Variants in NELL1 observed in about 807,000 individuals in gnomAD.
NELL1 encodes protein kinase C-binding protein NELL1.
A neutral mutation model predicts 107.4 loss-of-function variants in NELL1; 76 were observed. The ratio of observed to expected loss-of-function variants is 0.71; its 90% confidence interval spans 0.59 to 0.86. The LOEUF (loss-of-function observed/expected upper bound fraction) is 0.86, where lower values mean the gene tolerates loss of function less well. Among genes scored for constraint, NELL1 ranks in the 40% least tolerant of loss-of-function variants. The probability of loss-of-function intolerance (pLI) is 0.00; values close to 1 mark genes in which losing one functional copy is unlikely to be tolerated. For synonymous variants in NELL1, 353 were observed against 341.2 expected (o/e 1.03, Z -0.38); for missense variants, 1,024 against 1,005.5 (o/e 1.02, Z -0.25).
At chr11:21,486,502 A>G (rs189222860) in intron 15 of NELL1, among the ~76,000 whole-genome samples, 108 of 152,324 alleles carry the variant, frequency 7.1e-4, no homozygotes, top group African/African-American at 2.5e-3. Context: ...AGCAAGTTCA[A>G]AAAAATAGAA....
chr11:21,330,017 G>C lies in NELL1; in HGVS notation c.1550-40836G>C, dbSNP rs1461819519. Among the ~76,000 whole-genome samples the C allele has an allele frequency of 2.0e-5, 3 of 151,776 alleles. No individual in the cohort carries two copies. In the East Asian group the frequency reaches 5.8e-4, roughly 29 times the overall value. The stretch of plus-strand genomic sequence containing the variant: ...AATAAATTATATGTTTGTAAATTTT[G>C]TCATAGTAAACTTCTTATTTACCAT... On this transcript the variant is annotated intron_variant, in intron 14 of 19. Coordinates refer to ENST00000357134, the MANE Select transcript of NELL1 (RefSeq NM_006157.5).
intron 14 of NELL1, among the ~76,000 whole-genome samples, chr11:21,337,795 TCCTTCTTTCTTTCTTG>T (rs1590849611): frequency 7.5e-5 from 10 of 132,842 alleles, no homozygotes; most frequent in African/African-American, 1.5e-4. Flanking sequence ...TTTCTTTCTT[TCCTTCTTTCTTTCTTG>T]CTTTCCTTCT....
At chr11:20,975,927 A>ATG (rs1554953017) in intron 12 of NELL1, among the ~76,000 whole-genome samples, 3 of 134,808 alleles carry the variant, frequency 2.2e-5, no homozygotes, top group African/African-American at 8.6e-5. Flanking sequence ...ACACACATAT[A>ATG]TGTACATATA....
chr11:20,763,781 G>A (rs552413598), intron 2 of NELL1, among the ~76,000 whole-genome samples: 2 of 152,368 alleles, frequency 1.3e-5, no homozygotes, highest in Admixed American at 6.5e-5. Context: ...CCAGGGTGAG[G>A]CTGGCGAGCC....
In NELL1 at chr11:21,120,545, C is replaced by T. The variant is rs1290181281; in HGVS notation, c.1426+6831C>T. On this transcript the variant is annotated intron_variant, in intron 13 of 19. Coordinates refer to ENST00000357134, the MANE Select transcript of NELL1 (RefSeq NM_006157.5). Reference sequence around the variant, plus strand: ...TGTCAGAATGCTTGTCCTTGTTTACCGTAGGCTGTGTGGCAGCATTAAGGG... The same window carrying T: ...TGTCAGAATGCTTGTCCTTGTTTACTGTAGGCTGTGTGGCAGCATTAAGGG... Among the ~76,000 whole-genome samples the T allele has an allele frequency of 4.6e-5, 7 of 152,014 alleles. No homozygotes were observed. In the South Asian group the frequency reaches 8.3e-4, roughly 18 times the overall value.
At chr11:21,221,882 G>T (rs893801187) in intron 13 of NELL1, among the ~76,000 whole-genome samples, 2 of 151,824 alleles carry the variant, frequency 1.3e-5, no homozygotes, top group African/African-American at 4.8e-5. Context: ...TTATAGAGGT[G>T]GTATTTCACC....
At chr11:20,977,296 G>C (rs868122174) in intron 12 of NELL1, among the ~76,000 whole-genome samples, 2 of 141,482 alleles carry the variant, frequency 1.4e-5, no homozygotes, top group Non-Finnish European at 3.0e-5. Flanking sequence ...ACAGAGTCTC[G>C]CTCTGTCACC....
intron 12 of NELL1, among the ~76,000 whole-genome samples, chr11:21,033,732 T>C (rs1163565613): frequency 6.6e-6 from 1 of 152,192 alleles, no homozygotes; most frequent in Non-Finnish European, 1.5e-5. Flanking sequence ...TATAGAACAA[T>C]TTATATTCCT....
intron 10 of NELL1, among the ~76,000 whole-genome samples, chr11:20,944,693 G>C (rs957290573): frequency 1.3e-5 from 2 of 152,108 alleles, no homozygotes; most frequent in East Asian, 3.8e-4. Flanking sequence ...GCTATAAAAG[G>C]TTTGTGCCTA....
intron 13 of NELL1, among the ~76,000 whole-genome samples, chr11:21,136,533 T>C (rs74321791): frequency 2.0e-5 from 3 of 152,268 alleles, no homozygotes; most frequent in African/African-American, 7.2e-5. Context: ...GGTAGTTGGG[T>C]ATTGTTGAGT....
Position 20,672,038 on chromosome 11 carries a change from G to A in NELL1, c.55+2260G>A, listed in dbSNP as rs548318080. 9.2e-5 allele frequency among the ~76,000 whole-genome samples: 14 copies of A among 152,302 alleles called. No individual in the cohort carries two copies. The East Asian group carries it at 2.7e-3, about 29-fold the overall frequency. ...GAGCTTGGGTTCTCAATGTCACTTGGCACTATTTGAACACTAGAGGCCGCA... is the reference window on the plus strand; with the variant it reads ...GAGCTTGGGTTCTCAATGTCACTTGACACTATTTGAACACTAGAGGCCGCA... On this transcript the variant is annotated intron_variant, in intron 1 of 19. Coordinates refer to ENST00000357134, the MANE Select transcript of NELL1 (RefSeq NM_006157.5).
At chr11:21,560,432 C>T (rs372903181) in intron 17 of NELL1, 50 bp downstream of exon 17, 178 of 1,485,186 alleles carry the variant, frequency 1.2e-4, no homozygotes, top group Non-Finnish European at 1.6e-4. Flanking sequence ...TTCTCTTCTT[C>T]CCTCACTTTT....
intron 15 of NELL1, among the ~76,000 whole-genome samples, chr11:21,515,014 T>C (rs1435655840): frequency 6.6e-6 from 1 of 152,178 alleles, no homozygotes; most frequent in Non-Finnish European, 1.5e-5. Context: ...GGGTAGGTGG[T>C]AAAATTGAGG....
chr11:20,789,440 G>A (rs1369444564), intron 3 of NELL1, among the ~76,000 whole-genome samples: 1 of 152,244 alleles, frequency 6.6e-6, no homozygotes, highest in Non-Finnish European at 1.5e-5. Flanking sequence ...GCACCTGGAA[G>A]CTTGGAGACA....
At chr11:20,727,567 G>A (rs1330678736) in intron 2 of NELL1, among the ~76,000 whole-genome samples, 1 of 152,278 alleles carries the variant, frequency 6.6e-6, no homozygotes, top group African/African-American at 2.4e-5. Flanking sequence ...TCTGATGGTA[G>A]TTTCTTTTGC....
At chr11:21,285,228 C>T (rs1164097466) in intron 14 of NELL1, among the ~76,000 whole-genome samples, 5 of 152,162 alleles carry the variant, frequency 3.3e-5, no homozygotes, top group Admixed American at 6.5e-5. Flanking sequence ...TTTTAGTCCA[C>T]AATTCTCCCT....
intron 15 of NELL1, among the ~76,000 whole-genome samples, chr11:21,449,080 T>C (rs1183795486): frequency 1.3e-5 from 2 of 152,184 alleles, no homozygotes; most frequent in African/African-American, 2.4e-5. Context: ...AGTAGTGAAA[T>C]GGCTACATCA....
chr11:21,159,780 G>A (rs181205576), intron 13 of NELL1, among the ~76,000 whole-genome samples: 61 of 152,278 alleles, frequency 4.0e-4, no homozygotes, highest in Non-Finnish European at 7.1e-4. Flanking sequence ...GTGGCTGACC[G>A]GTTGAAACAC....
intron 14 of NELL1, among the ~76,000 whole-genome samples, chr11:21,356,235 A>G (rs1206587137): frequency 6.6e-6 from 1 of 152,120 alleles, no homozygotes; most frequent in African/African-American, 2.4e-5. Flanking sequence ...AAATATTTTT[A>G]TCTGTTCTGT....
Sources: gnomAD v4.1 joint callset for allele counts (sites outside exome capture counted in the v4.1 genomes callset) on GRCh38, gnomAD v4.1.1 for gene constraint, MANE v1.5 for transcripts, NCBI Gene and HGNC (gene_info 2026-07-23, HGNC 2026-07-21) for gene names.